ASB15: variants seen among roughly 807,000 people sequenced by gnomAD.
ASB15 encodes the protein ankyrin repeat and SOCS box containing 15, also known as ankyrin repeat and SOCS box protein 15.
Under a neutral mutation model 58.0 loss-of-function variants are expected in ASB15, and 54 were observed. That is an observed-to-expected ratio of 0.93 (90% CI 0.75 to 1.17). ASB15 has a LOEUF of 1.17. Among genes scored for constraint, ASB15 ranks in the 50% most tolerant of loss-of-function variants. ASB15 has a pLI of 0.00. For missense variants in ASB15, 680 were observed against 707.4 expected (o/e 0.96, Z 0.44); for synonymous variants, 249 against 262.4 (o/e 0.95, Z 0.50).
At chr7:123,595,661 AT>A (rs1314778956) in intron 1 of ASB15, among the ~76,000 whole-genome samples, 1 of 152,254 alleles carries the variant, frequency 6.6e-6, no homozygotes, top group Non-Finnish European at 1.5e-5. Context: ...AATACCTGGC[AT>A]TGCAGATGGT....
At chr7:123,623,900 AT>A (rs2116603402) in intron 7 of ASB15, among the ~76,000 whole-genome samples, 1 of 43,134 alleles carries the variant, frequency 2.3e-5, no homozygotes. Context: ...GAAAGAAAGA[AT>A]GGAAGGAAGG....
At chr7:123,582,799 C>A (rs150146468) in intron 1 of ASB15, among the ~76,000 whole-genome samples, 1 of 151,920 alleles carries the variant, frequency 6.6e-6, no homozygotes, top group Non-Finnish European at 1.5e-5. Context: ...GTAAGAACTG[C>A]CTTCTTTAAC....
intron 1 of ASB15, among the ~76,000 whole-genome samples, chr7:123,586,545 C>T (rs1243758895): frequency 6.6e-6 from 1 of 151,600 alleles, no homozygotes; most frequent in African/African-American, 2.4e-5. Flanking sequence ...TGTGCAGAAA[C>T]TTTTAAAATT....
chr7:123,633,886 A>G (rs1300913164), intron 11 of ASB15, among the ~76,000 whole-genome samples: 1 of 152,234 alleles, frequency 6.6e-6, no homozygotes, highest in Non-Finnish European at 1.5e-5. Context: ...GAAAGACTAC[A>G]TGATTCATGA....
intron 4 of ASB15, chr7:123,615,568 T>C (rs1394346647): frequency 2.6e-5 from 4 of 152,158 alleles, no homozygotes; most frequent in Non-Finnish European, 5.9e-5. Context: ...GAATTCCTTC[T>C]TTCCACTTAA....
chr7:123,608,822 G>T (rs1028233691), intron 3 of ASB15, among the ~76,000 whole-genome samples, 168 bp downstream of exon 3: 1 of 151,982 alleles, frequency 6.6e-6, no homozygotes, highest in Non-Finnish European at 1.5e-5. Context: ...TAAGCATTCA[G>T]CCACCAAATA....
intron 1 of ASB15, among the ~76,000 whole-genome samples, chr7:123,577,944 C>T (rs954611650): frequency 2.0e-5 from 3 of 151,592 alleles, no homozygotes; most frequent in Non-Finnish European, 4.4e-5. Flanking sequence ...GCAGAATGTG[C>T]AGTTTTGTTA....
intron 1 of ASB15, among the ~76,000 whole-genome samples, chr7:123,592,275 C>A (rs1799561383): frequency 6.6e-6 from 1 of 150,646 alleles, no homozygotes; most frequent in Non-Finnish European, 1.5e-5. Flanking sequence ...TTTTTTGTGT[C>A]TCTGTCTCAT....
intron 11 of ASB15, among the ~76,000 whole-genome samples, chr7:123,631,871 G>T (rs561994885): frequency 1.3e-5 from 2 of 152,238 alleles, no homozygotes; most frequent in South Asian, 4.2e-4. Context: ...GAGGTCAGGA[G>T]ATCGAGACCA....
At chr7:123,615,913 C>T (rs1584781375) in intron 4 of ASB15, among the ~76,000 whole-genome samples, 1 of 152,182 alleles carries the variant, frequency 6.6e-6, no homozygotes, top group East Asian at 1.9e-4. Flanking sequence ...GGGAATTGAA[C>T]CTAGCTCCTC....
Position 123,616,474 on chromosome 7 carries a change from ATAC to A in ASB15, c.273_275del (p.Leu92del). The A allele has an allele frequency of 6.2e-7, 1 of 1,612,886 alleles. No individual in the cohort carries two copies. Among genetic ancestry groups the A allele is most frequent in the Non-Finnish European group, 8.5e-7 (1 of 1,179,234 alleles). On this transcript the variant is annotated inframe_deletion, in exon 6 of 12. Coordinates refer to ENST00000451215, the MANE Select transcript of ASB15 (RefSeq NM_001290258.2). ...AGCTGTTGTTCAACCCATTCAACAA[ATAC>A]TTGAGATTGTTCTGGATGGTAAGAG...
chr7:123,575,241 A>G (rs1799032684), intron 1 of ASB15, among the ~76,000 whole-genome samples: 1 of 152,058 alleles, frequency 6.6e-6, no homozygotes, highest in Non-Finnish European at 1.5e-5. Flanking sequence ...TTAGTTCCCT[A>G]CTAGGAAAAA....
In ASB15 at chr7:123,623,391, A is replaced by G. The variant is rs116661546; in HGVS notation, c.452-1178A>G. Among the ~76,000 whole-genome samples, 936 of 152,314 alleles carry G rather than the reference A, an allele frequency of 6.1e-3. 10 individuals are homozygous for G. The highest frequency in any genetic ancestry group is 0.021 in the African/African-American group (886 of 41,558). ...ATGGGGACAATCTCTTAATAATCCA[A>G]AAGGGGAAAACCTTGTAACAGTATA... On this transcript the variant is annotated intron_variant, in intron 7 of 11. Coordinates refer to ENST00000451215, the MANE Select transcript of ASB15 (RefSeq NM_001290258.2).
chr7:123,625,490 C>G (rs1801713527), intron 8 of ASB15, among the ~76,000 whole-genome samples: 1 of 152,168 alleles, frequency 6.6e-6, no homozygotes, highest in South Asian at 2.1e-4. Flanking sequence ...CTGCTCCCAT[C>G]TTGTATCCTA....
At chr7:123,601,168 G>A (rs1253334610), upstream of ASB15, among the ~76,000 whole-genome samples, 1 of 152,054 alleles carries the variant, frequency 6.6e-6, no homozygotes, top group African/African-American at 2.4e-5. Flanking sequence ...ATTTTCATTG[G>A]AAAATCAGTA....
At chr7:123,587,943 T>A (rs2116344146) in intron 1 of ASB15, among the ~76,000 whole-genome samples, 1 of 151,966 alleles carries the variant, frequency 6.6e-6, no homozygotes, top group South Asian at 2.1e-4. Context: ...TTTACTAGTA[T>A]TTTGTTGAAG....
At chr7:123,628,002 G>C (rs1448489248) in intron 9 of ASB15, among the ~76,000 whole-genome samples, 1 of 152,182 alleles carries the variant, frequency 6.6e-6, no homozygotes, top group Non-Finnish European at 1.5e-5. Flanking sequence ...AGTTTACCTG[G>C]ATTTACTCCC....
intron 1 of ASB15, among the ~76,000 whole-genome samples, chr7:123,575,787 A>AT (rs1235506763): frequency 7.2e-6 from 1 of 138,370 alleles, no homozygotes; most frequent in Non-Finnish European, 1.6e-5. Flanking sequence ...GAATTATTTG[A>AT]TTTTTTTAAC....
At chr7:123,580,776 A>C (rs555870863) in intron 1 of ASB15, among the ~76,000 whole-genome samples, 97 of 152,118 alleles carry the variant, frequency 6.4e-4, no homozygotes, top group African/African-American at 2.1e-3. Context: ...GGAAGCCCTG[A>C]GATAAGGGCT....
Sources: gnomAD v4.1 joint callset for allele counts (sites outside exome capture counted in the v4.1 genomes callset) on GRCh38, gnomAD v4.1.1 for gene constraint, MANE v1.5 for transcripts, NCBI Gene and HGNC (gene_info 2026-07-23, HGNC 2026-07-21) for gene names.